Variants in C17orf75 observed in about 807,000 individuals in gnomAD.
C17orf75 encodes the protein chromosome 17 open reading frame 75.
Under a neutral mutation model 49.6 loss-of-function variants are expected in C17orf75, and 32 were observed. That is an observed-to-expected ratio of 0.65 (90% CI 0.49 to 0.87). The LOEUF is 0.87. Ranked by LOEUF, C17orf75 falls within the 40% of genes least tolerant of loss-of-function variation. The pLI, the probability that C17orf75 is intolerant of heterozygous loss-of-function variation, is 0.00. For missense variants in C17orf75, 428 were observed against 473.9 expected, an observed-to-expected ratio of 0.90 and a Z score of 0.90; for synonymous variants, 158 against 159.5, an observed-to-expected ratio of 0.99 and a Z score of 0.07.
chr17:32,334,839 C>G lies in C17orf75; in HGVS notation c.670G>C (p.Ala224Pro). ...QEKLTFLLHAALSYTPVEVKE... is the reference protein window; with the variant it reads ...QEKLTFLLHAPLSYTPVEVKE... The stretch of plus-strand genomic sequence containing the variant: ...ACTTCAACAGGAGTGTAACTCAAAG[C>G]CTATGAGAGAAAAATAAAGCCTGAT... The change falls in exon 7 of 10, where the codon GCT becomes CCT. Residue 224 changes from alanine to proline, a missense_variant and splice_region_variant. Physicochemically the swap from Ala to Pro is conservative, Grantham distance 27. Transcript: ENST00000577809. 6.2e-7 allele frequency: 1 copy of G among 1,605,284 alleles called. No homozygotes were observed. Among genetic ancestry groups the G allele is most frequent in the Admixed American group, 1.7e-5 (1 of 58,218 alleles).
intron 2 of C17orf75, chr17:32,340,868 C>T (rs532085936): frequency 1.5e-4 from 36 of 242,054 alleles, no homozygotes; most frequent in African/African-American, 5.4e-4. Context: ...CACCTGAGGC[C>T]GGGGAGGTTG....
intron 9 of C17orf75, among the ~76,000 whole-genome samples, chr17:32,332,546 C>T (rs1176934365): frequency 2.6e-5 from 4 of 152,160 alleles, no homozygotes; most frequent in Non-Finnish European, 4.4e-5. Context: ...AAAGGATTGC[C>T]TAAGGGCCGG....
At chr17:32,343,389 T>A, upstream of C17orf75, 1 of 187,558 alleles carries the variant, frequency 5.3e-6, no homozygotes, top group Non-Finnish European at 1.1e-5. Context: ...TTCCTATTTT[T>A]AAAAAGGAAT....
At chr17:32,340,569 C>T (rs889034046) in intron 2 of C17orf75, among the ~76,000 whole-genome samples, 4 of 151,104 alleles carry the variant, frequency 2.6e-5, no homozygotes, top group Non-Finnish European at 4.4e-5. Flanking sequence ...GGCGTGAACC[C>T]GGGAGGCAGA....
chr17:32,336,669 C>G (rs572202614), intron 5 of C17orf75, among the ~76,000 whole-genome samples: 54 of 152,260 alleles, frequency 3.5e-4, no homozygotes, highest in African/African-American at 1.3e-3. Context: ...CTGCATGGAC[C>G]AGTACTTCTG....
chr17:32,349,107 C>G (rs2041456540), intron 1 of C17orf75, among the ~76,000 whole-genome samples: 1 of 150,922 alleles, frequency 6.6e-6, no homozygotes, highest in South Asian at 2.1e-4. Context: ...CTCAAGTGAT[C>G]CGCCTGCCTC....
intron 6 of C17orf75, 33 bp from the exon 7 acceptor site, chr17:32,334,872 T>G: frequency 6.5e-7 from 1 of 1,548,946 alleles, no homozygotes; most frequent in Non-Finnish European, 8.8e-7. Context: ...GATTGGTACA[T>G]ATATTCCAGT....
chr17:32,333,600 C>T (rs139250192), intron 8 of C17orf75, 80 bp from the exon 9 acceptor site: 51 of 1,298,692 alleles, frequency 3.9e-5, no homozygotes, highest in Middle Eastern at 2.0e-4. Context: ...ACGGGAGATT[C>T]GCTCTTGTTG....
Position 32,341,930 on chromosome 17 carries a change from G to A in C17orf75, c.140+70C>T, listed in dbSNP as rs1404029957. 45 of 1,206,054 alleles carry A rather than the reference G, an allele frequency of 3.7e-5. No individual in the cohort carries two copies. In the African/African-American group the frequency reaches 6.0e-4, roughly 16 times the overall value. 74.7% of individuals were successfully genotyped at this position (1,206,054 alleles called of 1,614,324 possible). A position where few individuals can be genotyped will look rare whatever the true frequency, so the allele number is the denominator to read the frequency against. On this transcript the variant is annotated intron_variant, in intron 1 of 9. Coordinates refer to ENST00000577809, the MANE Select transcript of C17orf75 (RefSeq NM_022344.4). ...CCGCTGGGCCGGGGGTGGGGTGCAA[G>A]GCCGGGCGGCGGGCCGGGGGCGGGG... is the stretch of plus-strand genomic sequence containing the variant.
upstream of C17orf75, among the ~76,000 whole-genome samples, chr17:32,344,590 CAAAAA>C (rs35084298): frequency 3.7e-5 from 3 of 82,098 alleles, no homozygotes; most frequent in Admixed American, 1.5e-4. Context: ...GACTCTGTCT[CAAAAA>C]AAAAAAAAAA....
In C17orf75 at chr17:32,334,517, A is replaced by G; in HGVS notation, c.823T>C (p.Ser275Pro). ...CMAMTEEQHKSVVIDCSSSQP... is the reference protein window; with the variant it reads ...CMAMTEEQHKPVVIDCSSSQP... The stretch of plus-strand genomic sequence containing the variant: ...GAGCTGCTGCAATCGATGACCACAG[A>G]CTTATGCTGCTCCTCTGTCATGGCC... The change falls in exon 8 of 10, where the codon TCT becomes CCT. Residue 275 changes from serine to proline, a missense_variant. Ser to Pro is a moderately conservative substitution (Grantham distance 74). Transcript: ENST00000577809. 1 of 1,612,554 alleles carries G rather than the reference A, an allele frequency of 6.2e-7. No individual in the cohort carries two copies. The highest frequency in any genetic ancestry group is 8.5e-7 in the Non-Finnish European group (1 of 1,179,420).
upstream of C17orf75, among the ~76,000 whole-genome samples, chr17:32,346,045 C>T (rs1567806380): frequency 2.0e-5 from 3 of 151,998 alleles, no homozygotes; most frequent in African/African-American, 7.3e-5. Context: ...AAAATAAACA[C>T]GAGTTCATTC....
intron 2 of C17orf75, 128 bp downstream of exon 2, chr17:32,341,076 G>T (rs1454293179): frequency 1.0e-6 from 1 of 966,138 alleles, no homozygotes; most frequent in Non-Finnish European, 1.6e-6. Flanking sequence ...GGTTCCTAGG[G>T]GATAGGAGGA....
chr17:32,336,943 C>T (rs2041331378), intron 5 of C17orf75, among the ~76,000 whole-genome samples: 1 of 152,022 alleles, frequency 6.6e-6, no homozygotes, highest in Admixed American at 6.6e-5. Flanking sequence ...CTCAGCAGTT[C>T]AAGAGTTCAA....
Position 32,335,330 on chromosome 17 carries a change from A to G in C17orf75, c.662T>C (p.Leu221Pro). ...TCATTTGGCAGTACTTACAGCATGT[A>G]GCAGAAAGGTAAGCTTTTCCTGAAA... is the stretch of plus-strand genomic sequence containing the variant. The part of the protein sequence containing the change: ...LLFQEKLTFL[L>P]HAALSYTPVE... Residue 221 changes from leucine to proline, a missense_variant, in exon 6 of 10, where the codon CTA (leucine) becomes CCA (proline). By Grantham distance (98) the Leu-to-Pro change is moderately conservative. Coordinates refer to ENST00000577809, the MANE Select transcript of C17orf75 (RefSeq NM_022344.4). The G allele has an allele frequency of 6.2e-7, 1 of 1,613,918 alleles. No homozygotes were observed. The highest frequency in any genetic ancestry group is 8.5e-7 in the Non-Finnish European group (1 of 1,179,820).
At chr17:32,334,679 T>C in intron 7 of C17orf75, 74 bp from the exon 8 acceptor site, 1 of 1,580,632 alleles carries the variant, frequency 6.3e-7, no homozygotes, top group Non-Finnish European at 8.6e-7. Flanking sequence ...TATTTTGCAC[T>C]GGGCTGGTGG....
chr17:32,334,955 C>A (rs1047698825), intron 6 of C17orf75, 116 bp from the exon 7 acceptor site: 2 of 799,280 alleles, frequency 2.5e-6, no homozygotes, highest in African/African-American at 3.5e-5. Flanking sequence ...TTGATGGGCA[C>A]TGGTCACAAG....
At chr17:32,334,745 G>A in intron 7 of C17orf75, 30 bp downstream of exon 7, 2 of 1,576,608 alleles carry the variant, frequency 1.3e-6, no homozygotes, top group Non-Finnish European at 1.7e-6. Flanking sequence ...CTGTGGAAAA[G>A]CTTTTCTCTT....
Position 32,331,751 on chromosome 17 carries a change from CAA to C in C17orf75, c.*10_*11del. ...ATACAACTTGATCATACAATTATCT[CAA>C]AACATATGATCAAAAACTTTGGTCA... On this transcript the variant is annotated 3_prime_UTR_variant, in exon 10 of 10. Coordinates refer to ENST00000577809, the MANE Select transcript of C17orf75 (RefSeq NM_022344.4). 1.3e-6 allele frequency: 2 copies of C among 1,591,054 alleles called. No individual in the cohort carries two copies. The highest frequency in any genetic ancestry group is 1.7e-6 in the Non-Finnish European group (2 of 1,159,310).
Sources: allele counts gnomAD v4.1 joint callset (sites outside exome capture counted in the v4.1 genomes callset), GRCh38; gene constraint gnomAD v4.1.1; transcripts MANE v1.5; gene names NCBI Gene and HGNC (gene_info 2026-07-23, HGNC 2026-07-21).